Variants in SLC24A2 observed in about 807,000 individuals in gnomAD.
SLC24A2 encodes the protein solute carrier family 24 member 2, also known as sodium/potassium/calcium exchanger 2.
In SLC24A2, 36 loss-of-function variants were observed where a neutral mutation model predicts 62.0. That is an observed-to-expected ratio of 0.58 (90% CI 0.44 to 0.77). The LOEUF (loss-of-function observed/expected upper bound fraction) is 0.77. Among genes scored for constraint, SLC24A2 ranks in the 30% least tolerant of loss-of-function variants. The pLI is 0.00. For synonymous variants in SLC24A2, 358 were observed against 294.0 expected, an observed-to-expected ratio of 1.22 and a Z score of -2.23; for missense variants, 846 against 817.9, an observed-to-expected ratio of 1.03 and a Z score of -0.42.
the SLC24A2 span, among the ~76,000 whole-genome samples, chr9:19,972,948 T>A: frequency 6.6e-6 from 1 of 152,134 alleles, no homozygotes; most frequent in African/African-American, 2.4e-5. Context: ...TAAATAACGA[T>A]GTTAAGCTCA....
the SLC24A2 span, among the ~76,000 whole-genome samples, chr9:20,091,956 C>T: frequency 6.6e-6 from 1 of 152,124 alleles, no homozygotes; most frequent in Non-Finnish European, 1.5e-5. Flanking sequence ...ATGGATGGAG[C>T]TGGAGGACAT....
chr9:19,834,435 C>A, the SLC24A2 span, among the ~76,000 whole-genome samples: 3 of 152,252 alleles, frequency 2.0e-5, no homozygotes, highest in South Asian at 6.2e-4. Context: ...AATGCACAAG[C>A]CTCAGTAACC....
the SLC24A2 span, among the ~76,000 whole-genome samples, chr9:19,804,055 G>A: frequency 3.9e-4 from 60 of 152,108 alleles, 3 homozygotes; most frequent in Non-Finnish European, 1.5e-5. Context: ...ATAGTGAAGC[G>A]TGAGTCCTCT....
At chr9:20,185,919 G>A in the SLC24A2 span, among the ~76,000 whole-genome samples, 1 of 152,262 alleles carries the variant, frequency 6.6e-6, no homozygotes, top group South Asian at 2.1e-4. Flanking sequence ...CTGAACTCCA[G>A]CTGTATGCCA....
intron 2 of SLC24A2, among the ~76,000 whole-genome samples, chr9:19,714,687 T>G (rs1164212533): frequency 2.0e-5 from 3 of 152,312 alleles, no homozygotes; most frequent in African/African-American, 7.2e-5. Context: ...GAAATACATA[T>G]ATAGAGTAAA....
At chr9:20,021,431 T>C in the SLC24A2 span, among the ~76,000 whole-genome samples, 3 of 152,026 alleles carry the variant, frequency 2.0e-5, no homozygotes, top group Non-Finnish European at 4.4e-5. Flanking sequence ...CTGTTCCAAT[T>C]GCTATTAATA....
chr9:20,003,858 T>C, the SLC24A2 span, among the ~76,000 whole-genome samples: 5 of 151,726 alleles, frequency 3.3e-5, no homozygotes, highest in African/African-American at 4.9e-5. Context: ...TAAATGGTGA[T>C]TATGAAGACT....
At chr9:19,858,805 A>G in the SLC24A2 span, among the ~76,000 whole-genome samples, 1 of 152,198 alleles carries the variant, frequency 6.6e-6, no homozygotes. Context: ...ATGAGAGACC[A>G]TCTCACTAGT....
At chr9:20,010,032 C>G in the SLC24A2 span, among the ~76,000 whole-genome samples, 1 of 152,174 alleles carries the variant, frequency 6.6e-6, no homozygotes, top group Non-Finnish European at 1.5e-5. Context: ...CCTGCCCAAT[C>G]AGATATAATT....
intron 2 of SLC24A2, among the ~76,000 whole-genome samples, chr9:19,682,350 T>C (rs906894085): frequency 2.6e-5 from 4 of 152,132 alleles, no homozygotes; most frequent in African/African-American, 9.7e-5. Context: ...ACCTGGGCCC[T>C]TCTGTAAGCC....
the SLC24A2 span, among the ~76,000 whole-genome samples, chr9:20,054,010 C>T: frequency 2.0e-5 from 3 of 152,098 alleles, no homozygotes; most frequent in Non-Finnish European, 2.9e-5. Context: ...GAATGGAATC[C>T]CCAGAGTCTG....
chr9:19,854,866 A>T, the SLC24A2 span, among the ~76,000 whole-genome samples: 17 of 152,290 alleles, frequency 1.1e-4, no homozygotes, highest in East Asian at 2.3e-3. Flanking sequence ...TGTCTTAATG[A>T]TCTGTCTAAT....
the SLC24A2 span, among the ~76,000 whole-genome samples, chr9:20,011,560 T>C: frequency 1.9e-3 from 292 of 152,282 alleles, 2 homozygotes; most frequent in Non-Finnish European, 6.6e-4. Context: ...CCTACAGGAA[T>C]TGTGGGACAC....
At chr9:20,175,801 C>A in the SLC24A2 span, among the ~76,000 whole-genome samples, 1 of 151,976 alleles carries the variant, frequency 6.6e-6, no homozygotes, top group Non-Finnish European at 1.5e-5. Flanking sequence ...GATTGAAAAT[C>A]ATCAATTCAC....
chr9:20,239,101 G>C, the SLC24A2 span, among the ~76,000 whole-genome samples: 1 of 152,212 alleles, frequency 6.6e-6, no homozygotes, highest in Non-Finnish European at 1.5e-5. Context: ...CTGTGGCATT[G>C]TTACAACAGT....
the SLC24A2 span, among the ~76,000 whole-genome samples, chr9:19,812,865 C>T: frequency 2.0e-4 from 31 of 152,216 alleles, no homozygotes; most frequent in African/African-American, 6.7e-4. Flanking sequence ...TGCCTACTTC[C>T]GTTATTCTTT....
chr9:20,227,654 C>A, the SLC24A2 span, among the ~76,000 whole-genome samples: 1 of 152,090 alleles, frequency 6.6e-6, no homozygotes, highest in African/African-American at 2.4e-5. Context: ...CTTCTATGCC[C>A]TGCTATCAGC....
chr9:20,051,962 G>A, the SLC24A2 span, among the ~76,000 whole-genome samples: 1 of 151,858 alleles, frequency 6.6e-6, no homozygotes, highest in Non-Finnish European at 1.5e-5. Context: ...GATAATAATT[G>A]TTTCTAGCTC....
chr9:20,139,633 G>C, the SLC24A2 span, among the ~76,000 whole-genome samples: 1 of 152,140 alleles, frequency 6.6e-6, no homozygotes, highest in South Asian at 2.1e-4. Flanking sequence ...GCTGTGCTGT[G>C]TGCTGGGGTA....
Sources: gnomAD v4.1 joint callset for allele counts (sites outside exome capture counted in the v4.1 genomes callset) on GRCh38, gnomAD v4.1.1 for gene constraint, MANE v1.5 for transcripts, NCBI Gene and HGNC (gene_info 2026-07-23, HGNC 2026-07-21) for gene names.